The following ZNF648 variants were observed in gnomAD, a reference collection of about 807,000 sequenced individuals.
ZNF648 encodes the protein zinc finger protein 648.
In ZNF648, 1 loss-of-function variant was observed where a neutral mutation model predicts 0.3. That is an observed-to-expected ratio of 3.90 (90% CI 1.39 to 18.51). The LOEUF (loss-of-function observed/expected upper bound fraction) is 18.51, where lower values mean the gene tolerates loss of function less well. Ranked by LOEUF, ZNF648 falls within the 30% of genes most tolerant of loss-of-function variation. ZNF648 has a pLI of 0.11. For missense variants in ZNF648, 874 were observed against 769.7 expected (o/e 1.14, Z -1.60); for synonymous variants, 376 against 326.8 (o/e 1.15, Z -1.62).
chr1:182,062,428 T>C (rs6424835), upstream of ZNF648, among the ~76,000 whole-genome samples: 149,663 of 152,286 alleles, frequency 0.98, 73,603 homozygotes, highest in Middle Eastern at 1. Flanking sequence ...GTTCCTGTGA[T>C]GTCACTAGGT....
rs770806968 is a variant in ZNF648 at position 182,056,441 on chromosome 1, G to C, written c.1570C>G (p.Arg524Gly). ...TAGGGCCTCTCTCCGTTGTGCATTC[G>C]TATGTGCTGGGCCAACTCAGAGGCA... ...RIASELAQHI[R>G]MHNGERPYQC... The change falls in exon 2 of 2, where the codon CGA becomes GGA. Residue 524 changes from arginine (R) to glycine (G), a missense_variant. Coordinates refer to ENST00000339948, the MANE Select transcript of ZNF648 (RefSeq NM_001009992.1). The C allele has an allele frequency of 9.9e-6, 16 of 1,613,920 alleles. No individual in the cohort carries two copies. Among genetic ancestry groups the C allele is most frequent in the African/African-American group, 5.3e-5 (4 of 74,920 alleles).
rs1350418285 is a variant in ZNF648, at chr1:182,056,490, G to C, written c.1521C>G (p.Ala507=). Residue 507 remains alanine (A), a synonymous_variant, in exon 2 of 2, where the codon GCC becomes GCG. Coordinates refer to ENST00000339948, the MANE Select transcript of ZNF648 (RefSeq NM_001009992.1). ...IHSGEKGFLC[A]ECGRAFRIAS... is the part of the protein sequence containing the mutation. ...CAATGCGGAAGGCCCTGCCGCACTC[G>C]GCACAGAGGAATCCCTTCTCCCCGG... is the stretch of plus-strand genomic sequence containing the variant. 16 of 1,613,792 alleles carry C rather than the reference G, an allele frequency of 9.9e-6. No individual in the cohort carries two copies. Among genetic ancestry groups the C allele is most frequent in the Admixed American group, 1.7e-5 (1 of 59,976 alleles).
At position 182,057,043 on chromosome 1, in the gene ZNF648, C is replaced by T. The variant is rs1665932566; in HGVS notation, c.968G>A (p.Arg323Gln). Residue 323 changes from arginine to glutamine, a missense_variant, in exon 2 of 2, where the codon CGG (arginine) becomes CAG (glutamine). Coordinates refer to ENST00000339948, the MANE Select transcript of ZNF648 (RefSeq NM_001009992.1). ...GCCTGTGTGGGTGCGGATGTGCTTC[C>T]GGTGGTCGGAGGACCAGGTGTAGGC... is the stretch of plus-strand genomic sequence containing the variant. ...DKAYTWSSDH[R>Q]KHIRTHTGEK... 1.2e-6 allele frequency: 2 copies of T among 1,610,766 alleles called. No homozygotes were observed. The highest frequency in any genetic ancestry group is 1.1e-5 in the South Asian group (1 of 90,814).
chr1:182,056,397 G>A lies in ZNF648; in HGVS notation c.1614C>T (p.Gly538=), dbSNP rs1459497569. The change falls in exon 2 of 2, where the codon GGC becomes GGT. Residue 538 remains glycine (G), a synonymous_variant. Coordinates refer to ENST00000339948, the MANE Select transcript of ZNF648 (RefSeq NM_001009992.1). ...GERPYQCEDC[G]QAFTRSNHLQ... is the part of the protein sequence containing the mutation. ...GGTGATTGGACCTGGTGAAGGCCTG[G>A]CCGCAGTCCTCACACTGGTAGGGCC... 6.2e-7 allele frequency: 1 copy of A among 1,614,190 alleles called. No individual in the cohort carries two copies.
intron 1 of ZNF648, 101 bp from the exon 2 acceptor site, chr1:182,058,174 G>A: frequency 1.2e-6 from 1 of 804,450 alleles, no homozygotes; most frequent in Non-Finnish European, 1.9e-6. Context: ...GTTTCCAACT[G>A]GTCTCCATGT....
intron 1 of ZNF648, among the ~76,000 whole-genome samples, chr1:182,059,226 A>C (rs1236691547): frequency 6.6e-6 from 1 of 152,216 alleles, no homozygotes; most frequent in Non-Finnish European, 1.5e-5. Flanking sequence ...ACAGATGTCC[A>C]CTGGGGTACA....
At chr1:182,060,629 T>G (rs1436724361) in intron 1 of ZNF648, among the ~76,000 whole-genome samples, 1 of 152,158 alleles carries the variant, frequency 6.6e-6, no homozygotes, top group East Asian at 1.9e-4. Context: ...GTAGCTGGCA[T>G]GCCTTTTGAC....
In ZNF648 at chr1:182,056,532, C is replaced by T. The variant is rs1360556732; in HGVS notation, c.1479G>A (p.Arg493=). 16 of 1,613,766 alleles carry T rather than the reference C, an allele frequency of 9.9e-6. No individual in the cohort carries two copies. Among genetic ancestry groups the T allele is most frequent in the Non-Finnish European group, 1.4e-5 (16 of 1,179,934 alleles). Residue 493 remains arginine (R), a synonymous_variant, in exon 2 of 2, where the codon CGG becomes CGA. Transcript: ENST00000339948. ...TCTCCCCGGAGTGGATCTGTTGGTG[C>T]CGCTTCAGGGTCGAAGAGCGGGCAA... The part of the protein sequence containing the change: ...QAFARSSTLK[R]HQQIHSGEKG...
upstream of ZNF648, among the ~76,000 whole-genome samples, chr1:182,061,909 A>G (rs1233105329): frequency 6.6e-6 from 1 of 152,090 alleles, no homozygotes; most frequent in African/African-American, 2.4e-5. Context: ...AGGTGGCCCT[A>G]TGCCTCTTGT....
rs376867696 is a variant in ZNF648 at position 182,057,426 on chromosome 1, C to A, written c.585G>T (p.Pro195=). The change falls in exon 2 of 2, where the codon CCG becomes CCT. Residue 195 remains proline, a synonymous_variant. Transcript: ENST00000339948. The stretch of plus-strand genomic sequence containing the variant: ...GCGTGGGAAGGTCCCAGTTGCTCCC[C>A]GGCCTGGGGAAACACAACAGAGAAG... ...GNSSLLCFPR[P]GSNWDLPTQE... The A allele has an allele frequency of 6.2e-7, 1 of 1,614,006 alleles. No homozygotes were observed. The highest frequency in any genetic ancestry group is 8.5e-7 in the Non-Finnish European group (1 of 1,180,032).
At position 182,057,151 on chromosome 1, in the gene ZNF648, G is replaced by A. The variant is rs773522932; in HGVS notation, c.860C>T (p.Ala287Val). 113 of 1,601,592 alleles carry A rather than the reference G, an allele frequency of 7.1e-5. No homozygotes were observed. Among genetic ancestry groups the A allele is most frequent in the Non-Finnish European group, 9.2e-5 (108 of 1,178,556 alleles). ...KRYACELCGK[A>V]YSHRGTLQQH... The stretch of plus-strand genomic sequence containing the variant: ...CTGGAGTGTGCCGCGGTGGGAGTAG[G>A]CCTTCCCGCATAGCTCGCACGCGTA... Residue 287 changes from alanine to valine, a missense_variant, in exon 2 of 2, where the codon GCC (alanine) becomes GTC (valine). Physicochemically the swap from Ala to Val is moderately conservative, Grantham distance 64. Transcript: ENST00000339948.
Position 182,056,441 on chromosome 1 carries a change from G to GT in ZNF648, c.1569dup (p.Arg524ThrfsTer12), listed in dbSNP as rs1557969140. ...TAGGGCCTCTCTCCGTTGTGCATTCGTATGTGCTGGGCCAACTCAGAGGCA... is the reference window on the plus strand; with the variant it reads ...TAGGGCCTCTCTCCGTTGTGCATTCGTTATGTGCTGGGCCAACTCAGAGGCA... On this transcript the variant is annotated frameshift_variant, in exon 2 of 2. Transcript: ENST00000339948. LOFTEE classifies it low-confidence loss of function (END_TRUNC). 1.9e-6 allele frequency: 3 copies of GT among 1,614,038 alleles called. No individual in the cohort carries two copies. Among genetic ancestry groups the GT allele is most frequent in the African/African-American group, 1.3e-5 (1 of 75,042 alleles).
At chr1:182,066,998 A>G in the ZNF648 span, among the ~76,000 whole-genome samples, 1 of 152,144 alleles carries the variant, frequency 6.6e-6, no homozygotes, top group Admixed American at 6.5e-5. Context: ...TTTGAGGCCA[A>G]TAACGTTCCT....
At position 182,056,879 on chromosome 1, in the gene ZNF648, A is replaced by G; in HGVS notation, c.1132T>C (p.Ser378Pro). The G allele has an allele frequency of 1.3e-6, 2 of 1,577,018 alleles. No homozygotes were observed. Among genetic ancestry groups the G allele is most frequent in the Non-Finnish European group, 1.7e-6 (2 of 1,161,792 alleles). ...ECGLTFNKPL[S>P]LLRHQRTHLG... ...TGCGTGCGCTGGTGGCGCAGCAGCGACAGCGGCTTGTTGAAGGTCAGGCCG... is the reference window on the plus strand; with the variant it reads ...TGCGTGCGCTGGTGGCGCAGCAGCGGCAGCGGCTTGTTGAAGGTCAGGCCG... Residue 378 changes from serine (S) to proline (P), a missense_variant, in exon 2 of 2, where the codon TCG becomes CCG. Ser to Pro is a moderately conservative substitution (Grantham distance 74). Transcript: ENST00000339948.
In ZNF648 at chr1:182,057,669, C is replaced by T. The variant is rs1665956951; in HGVS notation, c.342G>A (p.Gln114=). 1 of 1,614,218 alleles carries T rather than the reference C, an allele frequency of 6.2e-7. No homozygotes were observed. The highest frequency in any genetic ancestry group is 8.5e-7 in the Non-Finnish European group (1 of 1,180,046). The change falls in exon 2 of 2, where the codon CAG becomes CAA. Residue 114 remains glutamine (Q), a synonymous_variant. Coordinates refer to ENST00000339948, the MANE Select transcript of ZNF648 (RefSeq NM_001009992.1). ...SRDVTKINET[Q]GSPGASRALG... is the part of the protein sequence containing the mutation. ...GAGCTCTGCTTGCTCCCGGGGAACC[C>T]TGGGTCTCGTTGATCTTTGTCACAT... is the stretch of plus-strand genomic sequence containing the variant.
chr1:182,061,377 C>T (rs994365760), intron 1 of ZNF648, among the ~76,000 whole-genome samples, 191 bp downstream of exon 1: 2 of 152,242 alleles, frequency 1.3e-5, no homozygotes, highest in Admixed American at 6.5e-5. Flanking sequence ...CAACCTCATA[C>T]ATCCATCAAC....
the ZNF648 span, among the ~76,000 whole-genome samples, chr1:182,068,071 G>T: frequency 6.6e-6 from 1 of 152,224 alleles, no homozygotes; most frequent in African/African-American, 2.4e-5. Context: ...GGAAGATACT[G>T]CTTATCTTTA....
rs191858990 is a variant in ZNF648, at chr1:182,057,574, G to A, written c.437C>T (p.Pro146Leu). The part of the protein sequence containing the change: ...GQMQPLGDRL[P>L]AGDDGYSGAN... Reference sequence around the variant, plus strand: ...CCCCGAGTATCCATCATCACCCGCAGGTAGTCGGTCCCCAAGAGGTTGCAT... The same window carrying A: ...CCCCGAGTATCCATCATCACCCGCAAGTAGTCGGTCCCCAAGAGGTTGCAT... Residue 146 changes from proline (P) to leucine (L), a missense_variant, in exon 2 of 2, where the codon CCT (proline) becomes CTT (leucine). Coordinates refer to ENST00000339948, the MANE Select transcript of ZNF648 (RefSeq NM_001009992.1). 1 of 1,614,228 alleles carries A rather than the reference G, an allele frequency of 6.2e-7. No individual in the cohort carries two copies. The highest frequency in any genetic ancestry group is 1.7e-5 in the Admixed American group (1 of 60,036).
the ZNF648 span, chr1:182,069,386 C>G: frequency 6.6e-6 from 1 of 152,240 alleles, no homozygotes; most frequent in African/African-American, 2.4e-5. Flanking sequence ...AACATACTCC[C>G]TTTTCCTCTT....
Sources: allele counts gnomAD v4.1 joint callset (sites outside exome capture counted in the v4.1 genomes callset), GRCh38; gene constraint gnomAD v4.1.1; transcripts MANE v1.5; gene names NCBI Gene and HGNC (gene_info 2026-07-23, HGNC 2026-07-21).